The following CCNJL variants were observed in gnomAD, a reference collection of about 807,000 sequenced individuals.
The protein encoded by CCNJL is cyclin-J-like protein.
A neutral mutation model predicts 33.4 loss-of-function variants in CCNJL; 33 were observed. The observed-to-expected ratio is 0.99, with a 90% CI of 0.75 to 1.32. The LOEUF (loss-of-function observed/expected upper bound fraction) is 1.32. Ranked by LOEUF, CCNJL falls within the 40% of genes most tolerant of loss-of-function variation. The pLI is 0.00. For synonymous variants in CCNJL, 227 were observed against 220.9 expected, an observed-to-expected ratio of 1.03 and a Z score of -0.24; for missense variants, 512 against 499.7, an observed-to-expected ratio of 1.02 and a Z score of -0.23.
At chr5:160,332,298 C>T (rs1254880613) in intron 1 of CCNJL, among the ~76,000 whole-genome samples, 2 of 152,204 alleles carry the variant, frequency 1.3e-5, no homozygotes, top group African/African-American at 4.8e-5. Context: ...CACGACTTCC[C>T]TGGTCCAAGC....
At position 160,251,411 on chromosome 5, in the gene CCNJL, T is replaced by C. The variant is rs2113178192; in HGVS notation, c.*1967A>G. ...AAATCTCTCTCCATATATATCCTACTGGTTTCTTTGGAAAAACCCTGAGAC... is the reference window on the plus strand; with the variant it reads ...AAATCTCTCTCCATATATATCCTACCGGTTTCTTTGGAAAAACCCTGAGAC... On this transcript the variant is annotated 3_prime_UTR_variant, in exon 6 of 6. Transcript: ENST00000257536. 6.6e-6 allele frequency: 1 copy of C among 152,340 alleles called. No homozygotes were observed. Among genetic ancestry groups the C allele is most frequent in the East Asian group, 1.9e-4 (1 of 5,186 alleles). 9.4% of individuals were successfully genotyped at this position (152,340 alleles called of 1,614,324 possible). A position where few individuals can be genotyped will look rare whatever the true frequency, so the allele number is the denominator to read the frequency against.
At chr5:160,313,460 G>C (rs1403094652), upstream of CCNJL, among the ~76,000 whole-genome samples, 1 of 152,148 alleles carries the variant, frequency 6.6e-6, no homozygotes, top group Non-Finnish European at 1.5e-5. Flanking sequence ...CACTACACCA[G>C]GTATTAAGTG....
chr5:160,265,315 C>G (rs1255734286), intron 3 of CCNJL, among the ~76,000 whole-genome samples: 1 of 152,192 alleles, frequency 6.6e-6, no homozygotes, highest in East Asian at 1.9e-4. Context: ...GGTTTTAAAG[C>G]CACAGCTGGC....
At chr5:160,272,907 G>GA (rs1248001043) in intron 3 of CCNJL, among the ~76,000 whole-genome samples, 2 of 152,002 alleles carry the variant, frequency 1.3e-5, no homozygotes, top group African/African-American at 4.8e-5. Flanking sequence ...GTACAGCAGT[G>GA]AAAAAAAGAG....
intron 4 of CCNJL, chr5:160,258,592 T>C (rs1274687583): frequency 9.1e-6 from 13 of 1,426,040 alleles, no homozygotes; most frequent in Admixed American, 1.7e-5. Flanking sequence ...GAGGTAATCA[T>C]GTAGTTGAAG....
intron 1 of CCNJL, among the ~76,000 whole-genome samples, chr5:160,319,883 G>A (rs1763419253): frequency 6.6e-6 from 1 of 152,018 alleles, no homozygotes; most frequent in Non-Finnish European, 1.5e-5. Flanking sequence ...TCTCTCCACT[G>A]CAGTACAGCC....
rs115076143 is a variant in CCNJL, at chr5:160,297,895, C to T, written c.66+13963G>A. ...AGGAGAGACCGAAGAGAAATTCCAG[C>T]GCCAAGTCAACAGCTTTGCTCCACC... On this transcript the variant is annotated intron_variant, in intron 2 of 5. Transcript: ENST00000257536. Among the ~76,000 whole-genome samples, 352 of 152,258 alleles carry T rather than the reference C, an allele frequency of 2.3e-3. 3 individuals carry two copies. Among genetic ancestry groups the T allele is most frequent in the African/African-American group, 8.3e-3 (344 of 41,548 alleles).
chr5:160,294,709 A>G (rs1166342309), intron 2 of CCNJL: 1 of 152,438 alleles, frequency 6.6e-6, no homozygotes, highest in Non-Finnish European at 1.5e-5. Flanking sequence ...AGCTTCCTAC[A>G]GGACCGCATC....
At chr5:160,303,818 C>T (rs1265263422) in intron 2 of CCNJL, among the ~76,000 whole-genome samples, 1 of 151,726 alleles carries the variant, frequency 6.6e-6, no homozygotes, top group Non-Finnish European at 1.5e-5. Flanking sequence ...CTCAGATATA[C>T]TAGAGAACTG....
At chr5:160,312,276 C>T (rs1051131498) in intron 1 of CCNJL, 88 bp downstream of exon 1, 10 of 342,406 alleles carry the variant, frequency 2.9e-5, no homozygotes, top group Non-Finnish European at 5.4e-5. Flanking sequence ...CTGGCGGCGG[C>T]CACAGGCTCG....
At chr5:160,321,738 C>T (rs1485195563) in intron 1 of CCNJL, among the ~76,000 whole-genome samples, 2 of 152,114 alleles carry the variant, frequency 1.3e-5, no homozygotes, top group Non-Finnish European at 2.9e-5. Context: ...TCAAGACCAG[C>T]CTTGCCAACA....
rs28534852 is a variant in CCNJL, at chr5:160,286,546, G to A, written c.67-5808C>T. ...CCAGTTACACGGGAGGCTGAGGCAC[G>A]AGAATCACTTGAACCCGGGAAGCAG... is the stretch of plus-strand genomic sequence containing the variant. On this transcript the variant is annotated intron_variant, in intron 2 of 5. Transcript: ENST00000257536. 2.3e-3 allele frequency among the ~76,000 whole-genome samples: 348 copies of A among 152,196 alleles called. 1 individual carries two copies. Among genetic ancestry groups the A allele is most frequent in the African/African-American group, 7.8e-3 (322 of 41,528 alleles).
Position 160,280,558 on chromosome 5 carries a change from A to G in CCNJL, c.247T>C (p.Tyr83His). Reference protein sequence around the residue: ...RYNVTTSKQLYTVAVSCLLLA... With the variant: ...RYNVTTSKQLHTVAVSCLLLA... ...AGGAGGCAGGAGACGGCCACGGTGT[A>G]GAGCTGCTTGGAGGTGGTGACGTTG... Residue 83 changes from tyrosine (Y) to histidine (H), a missense_variant, in exon 3 of 6, where the codon TAC (tyrosine) becomes CAC (histidine). Physicochemically the swap from Tyr to His is moderately conservative, Grantham distance 83. Coordinates refer to ENST00000257536, the MANE Select transcript of CCNJL (RefSeq NM_001308173.3). The G allele has an allele frequency of 6.2e-7, 1 of 1,613,268 alleles. No homozygotes were observed. The highest frequency in any genetic ancestry group is 2.2e-5 in the East Asian group (1 of 44,882).
At chr5:160,326,755 C>A in intron 1 of CCNJL, 1 of 868,578 alleles carries the variant, frequency 1.2e-6, no homozygotes, top group Non-Finnish European at 1.9e-6. Flanking sequence ...TCAATCTCAT[C>A]TTCAGATAAA....
In CCNJL at chr5:160,249,765, A is replaced by AAAT. The variant is rs1760756401; in HGVS notation, c.*3612_*3613insATT. On this transcript the variant is annotated 3_prime_UTR_variant, in exon 6 of 6. Coordinates refer to ENST00000257536, the MANE Select transcript of CCNJL (RefSeq NM_001308173.3). ...GCCACAGAGTGAGACCCTGTTTCAAAAAATAAATAAATAAATAAATAAATA... is the reference window on the plus strand; with the variant it reads ...GCCACAGAGTGAGACCCTGTTTCAAAAATAAATAAATAAATAAATAAATAAATA... 6 of 146,334 alleles carry AAAT rather than the reference A, an allele frequency of 4.1e-5. No homozygotes were observed. Among genetic ancestry groups the AAAT allele is most frequent in the Non-Finnish European group, 7.5e-5 (5 of 66,856 alleles). 9.1% of individuals were successfully genotyped at this position (146,334 alleles called of 1,614,324 possible).
At chr5:160,260,714 GGTGGCC>G (rs767528721) in intron 3 of CCNJL, among the ~76,000 whole-genome samples, 23 of 152,250 alleles carry the variant, frequency 1.5e-4, no homozygotes, top group Non-Finnish European at 3.2e-4. Context: ...CCACCCCACA[GGTGGCC>G]GTGGACCCTG....
At chr5:160,338,836 G>T (rs1043337667) in intron 1 of CCNJL, among the ~76,000 whole-genome samples, 16 of 151,892 alleles carry the variant, frequency 1.1e-4, no homozygotes, top group African/African-American at 3.6e-4. Flanking sequence ...CTGTCACCCA[G>T]ACTGGAGTGC....
upstream of CCNJL, among the ~76,000 whole-genome samples, chr5:160,317,462 A>G (rs1479005338): frequency 6.6e-6 from 1 of 152,220 alleles, no homozygotes; most frequent in East Asian, 1.9e-4. Flanking sequence ...CAGGACAGTG[A>G]AGCATGCAGG....
rs1763541970 is a variant in CCNJL, at chr5:160,326,745, T to A, written n.207-11240A>T. The A allele has an allele frequency of 3.4e-6, 3 of 877,526 alleles. No homozygotes were observed. In the South Asian group the frequency reaches 3.9e-5, roughly 11 times the overall value. The allele number at this position is 877,526 out of a possible 1,614,324, so 54.4% of individuals were successfully genotyped here. ...GTGCAGAAGGTTATGGTGCAGCCCATCAATCTCATCTTCAGATAAACTTAC... is the reference window on the plus strand; with the variant it reads ...GTGCAGAAGGTTATGGTGCAGCCCAACAATCTCATCTTCAGATAAACTTAC... On this transcript the variant is annotated intron_variant and non_coding_transcript_variant, in intron 1 of 7. Transcript: ENST00000377503.
Sources: gnomAD v4.1 joint callset for allele counts (sites outside exome capture counted in the v4.1 genomes callset) on GRCh38, gnomAD v4.1.1 for gene constraint, MANE v1.5 for transcripts, NCBI Gene and HGNC (gene_info 2026-07-23, HGNC 2026-07-21) for gene names.